ZNF605: variants seen among roughly 807,000 people sequenced by gnomAD.
The protein encoded by ZNF605 is zinc finger protein 605.
ZNF605 carries 9 observed loss-of-function variants against 7.9 expected under a neutral mutation model. The ratio of observed to expected loss-of-function variants is 1.14; its 90% CI spans 0.68 to 1.98. The LOEUF is 1.98. Among genes scored for constraint, ZNF605 ranks in the 30% most tolerant of loss-of-function variants. The pLI, the probability that ZNF605 is intolerant of heterozygous loss-of-function variation, is 0.00. For missense variants in ZNF605, 673 were observed against 762.4 expected, an observed-to-expected ratio of 0.88 and a Z score of 1.38; for synonymous variants, 255 against 260.1, an observed-to-expected ratio of 0.98 and a Z score of 0.19.
In ZNF605 at chr12:132,919,013, A is replaced by C. The variant is rs1399552870; in HGVS notation, c.*6360T>G. ...AGGACACAATGCACATGCCTTGTTCATACCCTCAGAGCTGCCTGGCAAATA... is the reference window on the plus strand; with the variant it reads ...AGGACACAATGCACATGCCTTGTTCCTACCCTCAGAGCTGCCTGGCAAATA... On this transcript the variant is annotated 3_prime_UTR_variant, in exon 5 of 5. Coordinates refer to ENST00000360187, the MANE Select transcript of ZNF605 (RefSeq NM_183238.4). 1 of 152,320 alleles carries C rather than the reference A, an allele frequency of 6.6e-6. No individual in the cohort carries two copies. Among genetic ancestry groups the C allele is most frequent in the African/African-American group, 2.4e-5 (1 of 41,462 alleles). 9.4% of individuals were successfully genotyped at this position (152,320 alleles called of 1,614,324 possible). A position where few individuals can be genotyped will look rare whatever the true frequency, so the allele number is the denominator to read the frequency against.
rs1413875188 is a variant in ZNF605, at chr12:132,924,167, A to G, written c.*1206T>C. 6.6e-6 allele frequency: 1 copy of G among 152,142 alleles called. No individual in the cohort carries two copies. The highest frequency in any genetic ancestry group is 1.5e-5 in the Non-Finnish European group (1 of 68,020). The allele number at this position is 152,142 out of a possible 1,614,324, so 9.4% of individuals were successfully genotyped here. On this transcript the variant is annotated 3_prime_UTR_variant, in exon 5 of 5. Transcript: ENST00000360187. ...GTTTCTACTGATTTTTCTCCTGGTT[A>G]TAAGTCATATTTTATTGCTTCTTTG...
At chr12:132,951,298 G>A (rs757888097) in intron 1 of ZNF605, among the ~76,000 whole-genome samples, 2,055 of 147,696 alleles carry the variant, frequency 0.014, 14 homozygotes, top group Non-Finnish European at 0.022. Context: ...ACACAGACAC[G>A]TACACAGACA....
At position 132,926,298 on chromosome 12, in the gene ZNF605, T is replaced by C. The variant is rs1393361602; in HGVS notation, c.1001A>G (p.Lys334Arg). 3.7e-6 allele frequency: 6 copies of C among 1,614,166 alleles called. No individual in the cohort carries two copies. The South Asian group carries it at 6.6e-5, about 18-fold the overall frequency. ...ACACTCACCACATCCGTAAGGTTTC[T>C]TCCCTGTGTGGGTCCTCTGATGAGT... ...LITHQRTHTG[K>R]KPYGCGECQK... Residue 334 changes from lysine to arginine, a missense_variant, in exon 5 of 5, where the codon AAG becomes AGG. Transcript: ENST00000360187.
intron 2 of ZNF605, among the ~76,000 whole-genome samples, chr12:132,946,356 C>T (rs1952493938): frequency 6.6e-6 from 1 of 152,204 alleles, no homozygotes. Context: ...AAAAGAAAAA[C>T]AGACACCCCT....
At chr12:132,937,134 G>T (rs1047300101) in intron 3 of ZNF605, among the ~76,000 whole-genome samples, 1 of 152,048 alleles carries the variant, frequency 6.6e-6, no homozygotes, top group Non-Finnish European at 1.5e-5. Flanking sequence ...CGAGGCAGGC[G>T]GATCACCTGA....
At chr12:132,929,400 T>C (rs1344816023) in intron 4 of ZNF605, among the ~76,000 whole-genome samples, 1 of 152,078 alleles carries the variant, frequency 6.6e-6, no homozygotes, top group Admixed American at 6.6e-5. Flanking sequence ...GAAAATAGAA[T>C]TTCAGAGGAA....
chr12:132,925,423 A>G lies in ZNF605; in HGVS notation c.1876T>C (p.Phe626Leu). 6.2e-7 allele frequency: 1 copy of G among 1,609,256 alleles called. No individual in the cohort carries two copies. The highest frequency in any genetic ancestry group is 8.5e-7 in the Non-Finnish European group (1 of 1,177,066). The change falls in exon 5 of 5, where the codon TTC becomes CTC. Residue 626 changes from phenylalanine (F) to leucine (L), a missense_variant. Coordinates refer to ENST00000360187, the MANE Select transcript of ZNF605 (RefSeq NM_183238.4). ...ATCATAAGCTGCGACTTCCTGTTGA[A>G]GGTGGTCCCACACTCATTGCATCCA... ...YYGCNECGTTFNRKSQLMIHQ... is the reference protein window; with the variant it reads ...YYGCNECGTTLNRKSQLMIHQ...
In ZNF605 at chr12:132,920,158, G is replaced by A. The variant is rs1952190509; in HGVS notation, c.*5215C>T. 1 of 143,298 alleles carries A rather than the reference G, an allele frequency of 7.0e-6. No individual in the cohort carries two copies. Among genetic ancestry groups the A allele is most frequent in the South Asian group, 2.2e-4 (1 of 4,506 alleles). 8.9% of individuals were successfully genotyped at this position (143,298 alleles called of 1,614,324 possible). On this transcript the variant is annotated 3_prime_UTR_variant, in exon 5 of 5. Coordinates refer to ENST00000360187, the MANE Select transcript of ZNF605 (RefSeq NM_183238.4). The stretch of plus-strand genomic sequence containing the variant: ...CAGCGCCTGATTTATTTATTTTTTT[G>A]AGACAGAGCCTCGCTCTATCACCCA...
chr12:132,948,014 T>A (rs988181027), intron 2 of ZNF605, 134 bp downstream of exon 2: 1 of 152,146 alleles, frequency 6.6e-6, no homozygotes, highest in Non-Finnish European at 1.5e-5. Context: ...TTAAAAACTT[T>A]TAAAACTTTT....
intron 1 of ZNF605, among the ~76,000 whole-genome samples, chr12:132,954,062 T>G (rs1010269673): frequency 6.6e-6 from 1 of 151,846 alleles, no homozygotes; most frequent in Non-Finnish European, 1.5e-5. Flanking sequence ...CATTCAACGA[T>G]GTACACTGGA....
intron 1 of ZNF605, among the ~76,000 whole-genome samples, chr12:132,951,830 CAT>C (rs1292221592): frequency 1.3e-5 from 2 of 151,832 alleles, no homozygotes; most frequent in Non-Finnish European, 2.9e-5. Context: ...ATACACCACA[CAT>C]ACACATACAC....
At position 132,926,195 on chromosome 12, in the gene ZNF605, G is replaced by A. The variant is rs924298769; in HGVS notation, c.1104C>T (p.Asn368=). 5.0e-5 allele frequency: 80 copies of A among 1,613,844 alleles called. 2 individuals are homozygous for A. The highest frequency in any genetic ancestry group is 3.2e-4 in the South Asian group (29 of 91,074). The change falls in exon 5 of 5, where the codon AAC becomes AAT. Residue 368 remains asparagine (N), a synonymous_variant. Coordinates refer to ENST00000360187, the MANE Select transcript of ZNF605 (RefSeq NM_183238.4). ...IHTGEKPYEC[N]ECGEAFIRKP... Reference sequence around the variant, plus strand: ...TTCTGATGAAGGCTTCACCACATTCGTTGCATTCGTAGGGCTTCTCTCCTG... The same window carrying A: ...TTCTGATGAAGGCTTCACCACATTCATTGCATTCGTAGGGCTTCTCTCCTG...
chr12:132,938,706 T>G (rs1330282894), intron 3 of ZNF605, among the ~76,000 whole-genome samples: 1 of 152,186 alleles, frequency 6.6e-6, no homozygotes, highest in Non-Finnish European at 1.5e-5. Context: ...CTTTCTGGGC[T>G]GGCCAAGGCT....
chr12:132,949,158 C>T (rs1028011384), intron 1 of ZNF605, among the ~76,000 whole-genome samples: 5 of 152,152 alleles, frequency 3.3e-5, no homozygotes. Context: ...TGAGTTGCTC[C>T]ATCATCCATA....
chr12:132,921,485 A>T lies in ZNF605; in HGVS notation c.*3888T>A, dbSNP rs1223163632. The T allele has an allele frequency of 1.3e-5, 2 of 152,218 alleles. No homozygotes were observed. The highest frequency in any genetic ancestry group is 2.9e-5 in the Non-Finnish European group (2 of 68,046). 9.4% of individuals were successfully genotyped at this position (152,218 alleles called of 1,614,324 possible). A position where few individuals can be genotyped will look rare whatever the true frequency, so the allele number is the denominator to read the frequency against. ...ATGGTGGAAATCATTTTATTCTCAT[A>T]CACAGGTTATTACAGCACAATTAGG... is the stretch of plus-strand genomic sequence containing the variant. On this transcript the variant is annotated 3_prime_UTR_variant, in exon 5 of 5. Transcript: ENST00000360187.
Position 132,923,288 on chromosome 12 carries a change from T to C in ZNF605, c.*2085A>G, listed in dbSNP as rs1952219374. On this transcript the variant is annotated 3_prime_UTR_variant, in exon 5 of 5. Transcript: ENST00000360187. ...CATATTCACCATTTTCAGAACTTCA[T>C]TCCTTTGTACAGACCCAAACTTAAG... 6.6e-6 allele frequency: 1 copy of C among 152,224 alleles called. No individual in the cohort carries two copies. The highest frequency in any genetic ancestry group is 1.5e-5 in the Non-Finnish European group (1 of 68,034). 9.4% of individuals were successfully genotyped at this position (152,224 alleles called of 1,614,324 possible). A position where few individuals can be genotyped will look rare whatever the true frequency, so the allele number is the denominator to read the frequency against.
In ZNF605 at chr12:132,933,233, T is replaced by C; in HGVS notation, c.16-78A>G. 1 of 1,499,324 alleles carries C rather than the reference T, an allele frequency of 6.7e-7. No individual in the cohort carries two copies. Among genetic ancestry groups the C allele is most frequent in the Non-Finnish European group, 9.0e-7 (1 of 1,116,418 alleles). The allele number at this position is 1,499,324 out of a possible 1,614,324, so 92.9% of individuals were successfully genotyped here. The stretch of plus-strand genomic sequence containing the variant: ...AAAATACTTTCTTCTGTATTTGTGG[T>C]AGGTGGCCTCTAAGATGGCCCCAGT... On this transcript the variant is annotated intron_variant, in intron 3 of 4. Transcript: ENST00000360187. The surrounding 1 kb of genome is among the most constrained non-coding windows in gnomAD (Gnocchi z 4.4).
Position 132,926,846 on chromosome 12 carries a change from G to A in ZNF605, c.453C>T (p.Ser151=), listed in dbSNP as rs948156126. ...KYCDCSTCRK[S]SNEEPWLTAN... is the part of the protein sequence containing the mutation. ...CAGTGAGCCATGGCTCTTCGTTGCTGGATTTTCTACATGTACTGCAATCAC... is the reference window on the plus strand; with the variant it reads ...CAGTGAGCCATGGCTCTTCGTTGCTAGATTTTCTACATGTACTGCAATCAC... Residue 151 remains serine (S), a synonymous_variant, in exon 5 of 5, where the codon TCC becomes TCT. Coordinates refer to ENST00000360187, the MANE Select transcript of ZNF605 (RefSeq NM_183238.4). 1.9e-5 allele frequency: 31 copies of A among 1,614,026 alleles called. No homozygotes were observed. Among genetic ancestry groups the A allele is most frequent in the Non-Finnish European group, 2.5e-5 (29 of 1,180,040 alleles).
intron 3 of ZNF605, among the ~76,000 whole-genome samples, chr12:132,937,437 A>C (rs1428113979): frequency 2.0e-5 from 3 of 152,022 alleles, no homozygotes; most frequent in Non-Finnish European, 4.4e-5. Context: ...ATCTGTCAAA[A>C]GGTGAATGCA....
Sources: gnomAD v4.1 joint callset for allele counts (sites outside exome capture counted in the v4.1 genomes callset) on GRCh38, gnomAD v4.1.1 for gene constraint, Gnocchi (gnomAD v3.1) non-coding constraint, MANE v1.5 for transcripts, NCBI Gene and HGNC (gene_info 2026-07-23, HGNC 2026-07-21) for gene names.